GRM8: variants seen among roughly 807,000 people sequenced by gnomAD.
GRM8 encodes the protein metabotropic glutamate receptor 8.
In GRM8, 47 loss-of-function variants were observed where a neutral mutation model predicts 87.2. The ratio of observed to expected loss-of-function variants is 0.54; its 90% CI spans 0.43 to 0.69. The LOEUF is 0.69. GRM8 is among the 30% of genes least tolerant of loss of function. The pLI is 0.00. For synonymous variants in GRM8, 396 were observed against 404.5 expected (o/e 0.98, Z 0.25); for missense variants, 1,019 against 1,139.2 (o/e 0.89, Z 1.52).
At chr7:126,961,782 C>T (rs1279537372) in intron 3 of GRM8, among the ~76,000 whole-genome samples, 1 of 152,244 alleles carries the variant, frequency 6.6e-6, no homozygotes, top group Non-Finnish European at 1.5e-5. Flanking sequence ...TATTTCTTCA[C>T]ACATTTTTTG....
At position 126,567,659 on chromosome 7, in the gene GRM8, G is replaced by T. The variant is rs181695360; in HGVS notation, c.1495-33772C>A. On this transcript the variant is annotated intron_variant, in intron 8 of 10. Coordinates refer to ENST00000339582, the MANE Select transcript of GRM8 (RefSeq NM_000845.3). ...TAGTGGTAAATAAATTAGCTCTCTG[G>T]TGCAAAAAATAAAATAAAATAAAAA... Among the ~76,000 whole-genome samples the T allele has an allele frequency of 6.6e-5, 10 of 152,038 alleles. No homozygotes were observed. The East Asian group carries it at 1.9e-3, about 29-fold the overall frequency.
At chr7:127,051,931 G>C (rs1193031417) in intron 3 of GRM8, among the ~76,000 whole-genome samples, 1 of 152,000 alleles carries the variant, frequency 6.6e-6, no homozygotes, top group East Asian at 1.9e-4. Context: ...GGGGAATCAG[G>C]GATGTGTATT....
At chr7:127,100,304 T>C (rs1290936810) in intron 3 of GRM8, among the ~76,000 whole-genome samples, 3 of 152,220 alleles carry the variant, frequency 2.0e-5, no homozygotes, top group Admixed American at 6.5e-5. Flanking sequence ...TGTTTTCTTA[T>C]GAAACACTGC....
chr7:127,064,194 T>C (rs545741558), intron 3 of GRM8, among the ~76,000 whole-genome samples: 2 of 152,312 alleles, frequency 1.3e-5, no homozygotes, highest in African/African-American at 4.8e-5. Flanking sequence ...TTTTCTGCCT[T>C]GATGAACTCT....
At chr7:126,746,813 G>A (rs932261428) in intron 7 of GRM8, among the ~76,000 whole-genome samples, 3 of 151,594 alleles carry the variant, frequency 2.0e-5, no homozygotes, top group South Asian at 2.1e-4. Flanking sequence ...AATAAAGCGC[G>A]AAATGTCTTG....
chr7:126,757,052 T>C (rs909547883), intron 7 of GRM8, among the ~76,000 whole-genome samples: 2 of 152,126 alleles, frequency 1.3e-5, no homozygotes, highest in Non-Finnish European at 2.9e-5. Flanking sequence ...ATAAAATAAT[T>C]TCTTCAGCTT....
intron 6 of GRM8, among the ~76,000 whole-genome samples, chr7:126,786,426 C>A (rs1242792775): frequency 1.3e-5 from 2 of 152,120 alleles, no homozygotes; most frequent in African/African-American, 4.8e-5. Flanking sequence ...GCTTTCCTAT[C>A]TAATTTTAAG....
At chr7:126,831,358 A>G (rs1049857937) in intron 6 of GRM8, among the ~76,000 whole-genome samples, 1 of 152,198 alleles carries the variant, frequency 6.6e-6, no homozygotes, top group African/African-American at 2.4e-5. Flanking sequence ...GGCTCCACCC[A>G]GTTCGAGCTT....
chr7:126,573,393 CAG>C (rs1311754925), intron 8 of GRM8, among the ~76,000 whole-genome samples: 3 of 151,762 alleles, frequency 2.0e-5, no homozygotes, highest in Non-Finnish European at 2.9e-5. Flanking sequence ...TTTAATGAAA[CAG>C]GGAGTCAAGA....
intron 9 of GRM8, among the ~76,000 whole-genome samples, chr7:126,485,373 T>C (rs558330292): frequency 7.5e-6 from 1 of 133,434 alleles, no homozygotes; most frequent in African/African-American, 2.8e-5. Context: ...AAAAAGGGGG[T>C]GGGGGGCATG....
chr7:126,536,394 G>C (rs1342363781), intron 8 of GRM8, among the ~76,000 whole-genome samples: 1 of 152,108 alleles, frequency 6.6e-6, no homozygotes, highest in Non-Finnish European at 1.5e-5. Flanking sequence ...CCTCAGAGTA[G>C]AGACTTTGTG....
chr7:126,671,997 C>G (rs1270800337), intron 7 of GRM8, among the ~76,000 whole-genome samples: 1 of 152,152 alleles, frequency 6.6e-6, no homozygotes. Context: ...GGAAGGAAAA[C>G]TGGATCTGAG....
At chr7:127,218,654 T>C (rs1242193473) in intron 2 of GRM8, among the ~76,000 whole-genome samples, 1 of 152,110 alleles carries the variant, frequency 6.6e-6, no homozygotes, top group Non-Finnish European at 1.5e-5. Context: ...CCTTGGGGCG[T>C]GGTACTTGTC....
At chr7:126,704,045 A>G (rs1049243317) in intron 7 of GRM8, among the ~76,000 whole-genome samples, 1 of 152,142 alleles carries the variant, frequency 6.6e-6, no homozygotes, top group South Asian at 2.1e-4. Context: ...GACTGTCAGG[A>G]CGTCTACAAC....
intron 2 of GRM8, among the ~76,000 whole-genome samples, chr7:127,117,285 G>T (rs1293900842): frequency 6.6e-6 from 1 of 151,924 alleles, no homozygotes; most frequent in African/African-American, 2.4e-5. Context: ...GCTTTGCTTT[G>T]GTTTGTTTCT....
At chr7:127,061,799 T>A (rs746234396) in intron 3 of GRM8, among the ~76,000 whole-genome samples, 3 of 152,234 alleles carry the variant, frequency 2.0e-5, no homozygotes, top group Non-Finnish European at 2.9e-5. Context: ...TTGGGAAGGA[T>A]ACTTTTCCCA....
intron 7 of GRM8, among the ~76,000 whole-genome samples, chr7:126,689,219 C>T (rs73720740): frequency 6.6e-6 from 1 of 152,122 alleles, no homozygotes; most frequent in Admixed American, 6.5e-5. Context: ...CTCTTGCTGA[C>T]ACCAGCCTAT....
intron 7 of GRM8, among the ~76,000 whole-genome samples, chr7:126,697,188 G>T (rs541149024): frequency 3.5e-5 from 5 of 144,800 alleles, no homozygotes; most frequent in Non-Finnish European, 7.5e-5. Context: ...AAAAAGTCAA[G>T]CCCATAGAAA....
At chr7:126,955,941 C>A (rs1418442014) in intron 3 of GRM8, among the ~76,000 whole-genome samples, 1 of 151,988 alleles carries the variant, frequency 6.6e-6, no homozygotes, top group Non-Finnish European at 1.5e-5. Flanking sequence ...ATGATATTCC[C>A]ATTTTAAATG....
Sources: allele counts gnomAD v4.1 joint callset (sites outside exome capture counted in the v4.1 genomes callset), GRCh38; gene constraint gnomAD v4.1.1; transcripts MANE v1.5; gene names NCBI Gene and HGNC (gene_info 2026-07-23, HGNC 2026-07-21).